Variants in SCARB1 observed in about 807,000 individuals in gnomAD.
SCARB1 encodes scavenger receptor class B member 1.
In SCARB1, 30 loss-of-function variants were observed where a neutral mutation model predicts 57.2. The ratio of observed to expected loss-of-function variants is 0.52; its 90% confidence interval spans 0.39 to 0.71. The LOEUF is 0.71. Among genes scored for constraint, SCARB1 ranks in the 30% least tolerant of loss-of-function variants. The pLI, the probability that SCARB1 is intolerant of heterozygous loss-of-function variation, is 0.00. For missense variants in SCARB1, 543 were observed against 671.2 expected, an observed-to-expected ratio of 0.81 and a Z score of 2.11; for synonymous variants, 249 against 268.3, an observed-to-expected ratio of 0.93 and a Z score of 0.70.
At chr12:124,842,863 A>G (rs979528207) in intron 1 of SCARB1, among the ~76,000 whole-genome samples, 14 of 152,214 alleles carry the variant, frequency 9.2e-5, no homozygotes, top group African/African-American at 3.4e-4. Flanking sequence ...CTGTGCGGGA[A>G]CAAGAGATGC....
intron 1 of SCARB1, among the ~76,000 whole-genome samples, chr12:124,818,089 A>G (rs1950812497): frequency 6.6e-6 from 1 of 152,168 alleles, no homozygotes; most frequent in Non-Finnish European, 1.5e-5. Flanking sequence ...CAGGGGGATC[A>G]TTCATTCATT....
At position 124,810,497 on chromosome 12, in the gene SCARB1, T is replaced by C. The variant is rs1055073538; in HGVS notation, c.727-208A>G. Among the ~76,000 whole-genome samples the C allele has an allele frequency of 1.3e-5, 2 of 152,170 alleles. No homozygotes were observed. The highest frequency in any genetic ancestry group is 2.9e-5 in the Non-Finnish European group (2 of 68,028). On this transcript the variant is annotated intron_variant, in intron 5 of 12. Transcript: ENST00000261693. The surrounding 1 kb of genome is among the most constrained non-coding windows in gnomAD (Gnocchi z 4.0). ...CTCCCAGACCCCTGAATGTGTAACT[T>C]CGCTAGGGACTCAGTTCTTTCATCT...
rs865921653 is a variant in SCARB1, at chr12:124,842,083, C to T, written c.126+21512G>A. On this transcript the variant is annotated intron_variant, in intron 1 of 12. Transcript: ENST00000261693. ...TCCTGTGTGCCCCATTCAGGTGGTT[C>T]ATAAACAGCTGCCCGGAGCAGATTC... is the stretch of plus-strand genomic sequence containing the variant. Among the ~76,000 whole-genome samples the T allele has an allele frequency of 1.1e-4, 17 of 152,344 alleles. No individual in the cohort carries two copies. In the Middle Eastern group the frequency reaches 0.014, roughly 122 times the overall value.
In SCARB1 at chr12:124,803,399, G is replaced by A. The variant is rs142540467; in HGVS notation, c.1010-3157C>T. Among the ~76,000 whole-genome samples, 978 of 152,132 alleles carry A rather than the reference G, an allele frequency of 6.4e-3. 10 individuals are homozygous for A. Among genetic ancestry groups the A allele is most frequent in the African/African-American group, 0.022 (933 of 41,504 alleles). ...AGCCTGGGCAATATGGTGAGACCCC[G>A]TCTCTTAAAAAAAATTTAAGAATTA... On this transcript the variant is annotated intron_variant, in intron 7 of 12. Coordinates refer to ENST00000261693, the MANE Select transcript of SCARB1 (RefSeq NM_005505.5).
intron 8 of SCARB1, 136 bp from the exon 9 acceptor site, chr12:124,795,404 T>C (rs1377813692): frequency 2.9e-6 from 2 of 680,758 alleles, no homozygotes; most frequent in Non-Finnish European, 5.3e-6. Context: ...GTATCTTACC[T>C]AAAACAAGCC....
Position 124,811,882 on chromosome 12 carries a change from G to C in SCARB1, c.714C>G (p.Asn238Lys). 1.9e-6 allele frequency: 3 copies of C among 1,611,702 alleles called. No individual in the cohort carries two copies. Among genetic ancestry groups the C allele is most frequent in the Non-Finnish European group, 2.5e-6 (3 of 1,178,926 alleles). The change falls in exon 5 of 13, where the codon AAC becomes AAG. Residue 238 changes from asparagine (N) to lysine (K), a missense_variant. Transcript: ENST00000261693. ...ISRIHLVDKW[N>K]GLSKVDFWHS... ...TCTCGCCCCTCACCTTGCTCAGCCCGTTCCACTTGTCCACGAGGTGGATCC... is the reference window on the plus strand; with the variant it reads ...TCTCGCCCCTCACCTTGCTCAGCCCCTTCCACTTGTCCACGAGGTGGATCC...
At chr12:124,837,509 A>AG (rs879775563) in intron 1 of SCARB1, among the ~76,000 whole-genome samples, 6,582 of 112,342 alleles carry the variant, frequency 0.059, 632 homozygotes, top group Admixed American at 0.18. Flanking sequence ...GGAAGGGAGA[A>AG]AAAAGAAAAG....
chr12:124,787,551 A>G, intron 9 of SCARB1, 94 bp from the exon 10 acceptor site: 1 of 1,128,142 alleles, frequency 8.9e-7, no homozygotes. Flanking sequence ...CAGGTTTAGT[A>G]TAATTTTGCA....
intron 9 of SCARB1, among the ~76,000 whole-genome samples, chr12:124,787,756 G>T (rs1224611691): frequency 6.6e-6 from 1 of 151,590 alleles, no homozygotes; most frequent in Non-Finnish European, 1.5e-5. Flanking sequence ...TTTTCCCACA[G>T]GGCTGTTTGA....
Position 124,778,712 on chromosome 12 carries a change from A to G in SCARB1, c.*1-126T>C, listed in dbSNP as rs1872780132. ...ACTCCACCCCCGCCACCAGGCTGTCAGAAGTGAGAAGAGACTGGAGTCACC... is the reference window on the plus strand; with the variant it reads ...ACTCCACCCCCGCCACCAGGCTGTCGGAAGTGAGAAGAGACTGGAGTCACC... On this transcript the variant is annotated intron_variant, in intron 12 of 12. Transcript: ENST00000261693. The G allele has an allele frequency of 1.2e-5, 12 of 968,698 alleles. No individual in the cohort carries two copies. The South Asian group carries it at 3.1e-4, about 25-fold the overall frequency. 60.0% of individuals were successfully genotyped at this position (968,698 alleles called of 1,614,324 possible). A position where few individuals can be genotyped will look rare whatever the true frequency, so the allele number is the denominator to read the frequency against.
chr12:124,848,948 G>T (rs1952277631), intron 1 of SCARB1, among the ~76,000 whole-genome samples: 1 of 152,256 alleles, frequency 6.6e-6, no homozygotes, highest in Non-Finnish European at 1.5e-5. Flanking sequence ...GTTGGAAACA[G>T]CCAGCCCTTA....
chr12:124,842,994 A>C (rs1457368123), intron 1 of SCARB1, among the ~76,000 whole-genome samples: 2 of 152,150 alleles, frequency 1.3e-5, no homozygotes, highest in Admixed American at 1.3e-4. Flanking sequence ...GGACGCAAAC[A>C]TGTTTATTGC....
chr12:124,806,207 G>T (rs1021983198), intron 7 of SCARB1, among the ~76,000 whole-genome samples: 4 of 152,122 alleles, frequency 2.6e-5, no homozygotes, highest in African/African-American at 9.7e-5. Context: ...TGAGGCGGGG[G>T]TTGGGGTGGG....
chr12:124,857,568 T>C (rs1258965449), intron 1 of SCARB1, among the ~76,000 whole-genome samples: 1 of 152,134 alleles, frequency 6.6e-6, no homozygotes, highest in East Asian at 1.9e-4. Context: ...CTGACTGGTG[T>C]TGAAGGGGTG....
At chr12:124,854,193 C>T (rs1952539682) in intron 1 of SCARB1, among the ~76,000 whole-genome samples, 1 of 152,130 alleles carries the variant, frequency 6.6e-6, no homozygotes, top group African/African-American at 2.4e-5. Flanking sequence ...GATGCACAAA[C>T]GGAATCAGGG....
chr12:124,811,873 G>A lies in SCARB1; in HGVS notation c.723C>T (p.Ser241=), dbSNP rs762150484. 2 of 1,610,098 alleles carry A rather than the reference G, an allele frequency of 1.2e-6. No individual in the cohort carries two copies. Among genetic ancestry groups the A allele is most frequent in the South Asian group, 2.2e-5 (2 of 90,174 alleles). ...GCCCTCGCCTCTCGCCCCTCACCTT[G>A]CTCAGCCCGTTCCACTTGTCCACGA... is the stretch of plus-strand genomic sequence containing the variant. ...IHLVDKWNGL[S]KVDFWHSDQC... is the part of the protein sequence containing the mutation. Residue 241 remains serine, a synonymous_variant, in exon 5 of 13, where the codon AGC becomes AGT. Coordinates refer to ENST00000261693, the MANE Select transcript of SCARB1 (RefSeq NM_005505.5).
intron 1 of SCARB1, among the ~76,000 whole-genome samples, chr12:124,819,083 C>T (rs113327064): frequency 0.021 from 3,141 of 151,194 alleles, 121 homozygotes; most frequent in African/African-American, 0.071. Context: ...GCTGTAATGG[C>T]GCCATTTGTA....
chr12:124,838,445 T>C (rs1951779294), intron 1 of SCARB1, among the ~76,000 whole-genome samples: 1 of 152,170 alleles, frequency 6.6e-6, no homozygotes, highest in Non-Finnish European at 1.5e-5. Flanking sequence ...GAACTATTGT[T>C]ACAGGAGCCT....
Position 124,804,259 on chromosome 12 carries a change from T to TG in SCARB1, c.1009+3501dup, listed in dbSNP as rs75978430. Among the ~76,000 whole-genome samples the TG allele has an allele frequency of 1.1e-3, 166 of 152,266 alleles. 1 individual carries two copies. In the East Asian group the frequency reaches 0.025, roughly 23 times the overall value. ...TCTGCTGGAGTGAAGGAAACACAGG[T>TG]GGCCCCCTTTCTGCAGGACTCGGAG... On this transcript the variant is annotated intron_variant, in intron 7 of 12. Transcript: ENST00000261693.
Sources: gnomAD v4.1 joint callset for allele counts (sites outside exome capture counted in the v4.1 genomes callset) on GRCh38, gnomAD v4.1.1 for gene constraint, Gnocchi (gnomAD v3.1) non-coding constraint, MANE v1.5 for transcripts, NCBI Gene and HGNC (gene_info 2026-07-23, HGNC 2026-07-21) for gene names.